AURKC: variants seen among roughly 807,000 people sequenced by gnomAD.
AURKC encodes aurora kinase C.
A neutral mutation model predicts 29.2 loss-of-function variants in AURKC; 15 were observed. That is an observed-to-expected ratio of 0.51 (90% CI 0.34 to 0.79). AURKC has a LOEUF of 0.79. Ranked by LOEUF, AURKC falls within the 30% of genes least tolerant of loss-of-function variation. The probability of loss-of-function intolerance (pLI) is 0.01; values close to 1 mark genes in which losing one functional copy is unlikely to be tolerated. For missense variants in AURKC, 332 were observed against 383.2 expected, an observed-to-expected ratio of 0.87 and a Z score of 1.12; for synonymous variants, 150 against 149.9, an observed-to-expected ratio of 1.00 and a Z score of -0.01.
At position 57,233,591 on chromosome 19, in the gene AURKC, G is replaced by T. The variant is rs1353199173; in HGVS notation, c.567G>T (p.Val189=). 6.2e-7 allele frequency: 1 copy of T among 1,613,892 alleles called. No individual in the cohort carries two copies. Among genetic ancestry groups the T allele is most frequent in the East Asian group, 2.2e-5 (1 of 44,892 alleles). Reference sequence around the variant, plus strand: ...AGATTGCAGATTTTGGCTGGTCTGTGCACACCCCCTCCCTGAGGTAGGTCA... The same window carrying T: ...AGATTGCAGATTTTGGCTGGTCTGTTCACACCCCCTCCCTGAGGTAGGTCA... ...EVKIADFGWS[V]HTPSLRRKTM... is the part of the protein sequence containing the mutation. Residue 189 remains valine (V), a synonymous_variant, in exon 5 of 7, where the codon GTG becomes GTT. Coordinates refer to ENST00000302804, the MANE Select transcript of AURKC (RefSeq NM_001015878.2).
At position 57,232,723 on chromosome 19, in the gene AURKC, G is replaced by A. The variant is rs773615038; in HGVS notation, c.435+43G>A. ...AGGCTCTGGGGTCTCTGAGTTTACTGTGGGCTGGTGGGAGCTCTGTTTGTG... is the reference window on the plus strand; with the variant it reads ...AGGCTCTGGGGTCTCTGAGTTTACTATGGGCTGGTGGGAGCTCTGTTTGTG... On this transcript the variant is annotated intron_variant, in intron 4 of 6. Transcript: ENST00000302804. The surrounding 1 kb of genome is among the most constrained non-coding windows in gnomAD (Gnocchi z 4.5). 1.2e-6 allele frequency: 2 copies of A among 1,611,616 alleles called. No individual in the cohort carries two copies. The highest frequency in any genetic ancestry group is 1.3e-5 in the African/African-American group (1 of 74,856).
rs45555141 is a variant in AURKC at position 57,232,559 on chromosome 19, G to A, written c.314G>A (p.Arg105His). Residue 105 changes from arginine (R) to histidine (H), a missense_variant, in exon 4 of 7, where the codon CGC (arginine) becomes CAC (histidine). Arg to His is a conservative substitution (Grantham distance 29). Coordinates refer to ENST00000302804, the MANE Select transcript of AURKC (RefSeq NM_001015878.2). This position sits in a 1 kb window ranked among gnomAD's most constrained non-coding sequence, Gnocchi z 4.5. The stretch of plus-strand genomic sequence containing the variant: ...TCCTTCAGACACCCCAATATCCTGC[G>A]CCTGTATAACTATTTCCATGATGCA... ...QAHLQHPNIL[R>H]LYNYFHDARR... 3.1e-6 allele frequency: 5 copies of A among 1,614,094 alleles called. No homozygotes were observed. Among genetic ancestry groups the A allele is most frequent in the East Asian group, 2.2e-5 (1 of 44,888 alleles).
intron 1 of AURKC, chr19:57,231,537 C>A: frequency 1.3e-6 from 1 of 746,438 alleles, no homozygotes; most frequent in Non-Finnish European, 2.3e-6. Context: ...CCTCCCCTCC[C>A]TACCTTACCT....
intron 5 of AURKC, among the ~76,000 whole-genome samples, chr19:57,234,167 C>T (rs2087523761): frequency 6.8e-6 from 1 of 147,416 alleles, no homozygotes; most frequent in Non-Finnish European, 1.5e-5. Flanking sequence ...AAGCGATTCT[C>T]CTGCCTCAGC....
At position 57,235,374 on chromosome 19, in the gene AURKC, A is replaced by G; in HGVS notation, c.887A>G (p.His296Arg). The stretch of plus-strand genomic sequence containing the variant: ...CTGAAGCACCCCTGGGTTCAGGCCC[A>G]CTCCCGAAGGGTGCTGCCTCCCTGT... ...QILKHPWVQA[H>R]SRRVLPPCAQ... The change falls in exon 7 of 7, where the codon CAC (histidine) becomes CGC (arginine). Residue 296 changes from histidine to arginine, a missense_variant. By Grantham distance (29) the His-to-Arg change is conservative. Coordinates refer to ENST00000302804, the MANE Select transcript of AURKC (RefSeq NM_001015878.2). 6.2e-7 allele frequency: 1 copy of G among 1,613,618 alleles called. No individual in the cohort carries two copies. The highest frequency in any genetic ancestry group is 8.5e-7 in the Non-Finnish European group (1 of 1,179,918).
chr19:57,234,440 T>C (rs2087526910), intron 5 of AURKC, among the ~76,000 whole-genome samples: 1 of 152,226 alleles, frequency 6.6e-6, no homozygotes, highest in African/African-American at 2.4e-5. Flanking sequence ...TATTTTCTGA[T>C]CTTTGTTAAT....
chr19:57,235,204 G>A, intron 6 of AURKC, 43 bp from the exon 7 acceptor site: 1 of 1,613,572 alleles, frequency 6.2e-7, no homozygotes, highest in Middle Eastern at 1.7e-4. Flanking sequence ...ATTGATCAAA[G>A]AAATTAACCA....
At position 57,234,890 on chromosome 19, in the gene AURKC, G is replaced by A; in HGVS notation, c.591G>A (p.Lys197=). 1 of 1,614,200 alleles carries A rather than the reference G, an allele frequency of 6.2e-7. No individual in the cohort carries two copies. Among genetic ancestry groups the A allele is most frequent in the Non-Finnish European group, 8.5e-7 (1 of 1,180,040 alleles). ...CTTTTCTGCCTTCCTCTAGGAGGAA[G>A]ACAATGTGTGGGACACTGGACTACT... ...WSVHTPSLRR[K]TMCGTLDYLP... is the part of the protein sequence containing the mutation. The change falls in exon 6 of 7, where the codon AAG becomes AAA. Residue 197 remains lysine (K), a synonymous_variant. Transcript: ENST00000302804.
chr19:57,234,741 T>C, intron 5 of AURKC, 143 bp from the exon 6 acceptor site: 2 of 869,638 alleles, frequency 2.3e-6, no homozygotes, highest in Non-Finnish European at 3.5e-6. Context: ...ATATTAAAAA[T>C]TTGTCTCTCC....
Position 57,231,188 on chromosome 19 carries a change from T to G in AURKC, c.-61T>G. ...ACCCCCCACCCCTTTCAGGACCCTG[T>G]GAACGGGAACAGCCATCCAGAGGGT... On this transcript the variant is annotated 5_prime_UTR_variant, in exon 1 of 7. Coordinates refer to ENST00000302804, the MANE Select transcript of AURKC (RefSeq NM_001015878.2). 6.4e-7 allele frequency: 1 copy of G among 1,550,994 alleles called. No homozygotes were observed. Among genetic ancestry groups the G allele is most frequent in the Non-Finnish European group, 8.7e-7 (1 of 1,146,730 alleles).
Position 57,232,280 on chromosome 19 carries a change from C to T in AURKC, c.296+56C>T, listed in dbSNP as rs2087501073. The T allele has an allele frequency of 6.3e-7, 1 of 1,597,004 alleles. No homozygotes were observed. Among genetic ancestry groups the T allele is most frequent in the Non-Finnish European group, 8.5e-7 (1 of 1,171,714 alleles). On this transcript the variant is annotated intron_variant, in intron 3 of 6. Coordinates refer to ENST00000302804, the MANE Select transcript of AURKC (RefSeq NM_001015878.2). This position sits in a 1 kb window ranked among gnomAD's most constrained non-coding sequence, Gnocchi z 4.5. ...TTTGACGTCTGAGCCCAGCATTTTC[C>T]CCAAATACTAACCCCAAGTAAACCC... is the stretch of plus-strand genomic sequence containing the variant.
At chr19:57,234,329 CATA>C (rs1260350135) in intron 5 of AURKC, among the ~76,000 whole-genome samples, 5 of 152,132 alleles carry the variant, frequency 3.3e-5, no homozygotes, top group African/African-American at 1.2e-4. Context: ...GTGCTGGGAT[CATA>C]GGCATGAGCC....
intron 1 of AURKC, 174 bp from the exon 2 acceptor site, chr19:57,231,568 A>ACCTCTCCCTCCC: frequency 1.4e-6 from 1 of 716,702 alleles, no homozygotes; most frequent in East Asian, 2.9e-5. Context: ...TCTTCCCCTT[A>ACCTCTCCCTCCC]CCTCTCCCTC....
Position 57,232,199 on chromosome 19 carries a change from GAA to G in AURKC, c.273_274del (p.Glu91AspfsTer2). The G allele has an allele frequency of 6.2e-7, 1 of 1,614,074 alleles. No homozygotes were observed. The highest frequency in any genetic ancestry group is 8.5e-7 in the Non-Finnish European group (1 of 1,180,028). On this transcript the variant is annotated frameshift_variant, in exon 3 of 7. Coordinates refer to ENST00000302804, the MANE Select transcript of AURKC (RefSeq NM_001015878.2). LOFTEE classifies it high-confidence loss of function. The surrounding 1 kb of genome is among the most constrained non-coding windows in gnomAD (Gnocchi z 4.5). ...KEGLEHQLRREIEIQAHLQHP... is the reference protein window; with the variant it reads ...KEGLEHQLRRXIEIQAHLQHP... ...AGGACTGGAGCACCAGCTGCGCCGG[GAA>G]ATTGAGATCCAGGCTCATCTACAGT...
intron 5 of AURKC, among the ~76,000 whole-genome samples, chr19:57,234,622 G>A (rs1485742578): frequency 1.3e-5 from 2 of 152,170 alleles, no homozygotes; most frequent in African/African-American, 4.8e-5. Flanking sequence ...TTAATGCTGA[G>A]AATATTCTTG....
chr19:57,234,439 A>G (rs918966222), intron 5 of AURKC, among the ~76,000 whole-genome samples: 1 of 152,116 alleles, frequency 6.6e-6, no homozygotes, highest in Non-Finnish European at 1.5e-5. Context: ...TTATTTTCTG[A>G]TCTTTGTTAA....
chr19:57,231,567 T>TA, intron 1 of AURKC, 175 bp from the exon 2 acceptor site: 1 of 776,658 alleles, frequency 1.3e-6, no homozygotes, highest in South Asian at 1.6e-5. Context: ...TTCTTCCCCT[T>TA]ACCTCTCCCT....
Position 57,232,422 on chromosome 19 carries a change from A to T in AURKC, c.297-120A>T. ...CCGTTCTCCCCTCACTTGCTCCCAG[A>T]TAGGGCTGTTGTTATTCTGGTCCCA... is the stretch of plus-strand genomic sequence containing the variant. On this transcript the variant is annotated intron_variant, in intron 3 of 6. Transcript: ENST00000302804. The surrounding 1 kb of genome is among the most constrained non-coding windows in gnomAD (Gnocchi z 4.5). 1 of 1,523,934 alleles carries T rather than the reference A, an allele frequency of 6.6e-7. No homozygotes were observed. The highest frequency in any genetic ancestry group is 9.0e-7 in the Non-Finnish European group (1 of 1,106,366). 94.4% of individuals were successfully genotyped at this position (1,523,934 alleles called of 1,614,324 possible).
chr19:57,235,223 T>C, intron 6 of AURKC, 24 bp from the exon 7 acceptor site: 1 of 1,614,128 alleles, frequency 6.2e-7, no homozygotes, highest in East Asian at 2.2e-5. Flanking sequence ...CAGACTTCTC[T>C]TTCTTCTTTC....
Sources: gnomAD v4.1 joint callset for allele counts (sites outside exome capture counted in the v4.1 genomes callset) on GRCh38, gnomAD v4.1.1 for gene constraint, Gnocchi (gnomAD v3.1) non-coding constraint, MANE v1.5 for transcripts, NCBI Gene and HGNC (gene_info 2026-07-23, HGNC 2026-07-21) for gene names.